SRGAP3: variants seen among roughly 807,000 people sequenced by gnomAD.
SRGAP3 encodes SLIT-ROBO Rho GTPase-activating protein 3.
In SRGAP3, 39 loss-of-function variants were observed where a neutral mutation model predicts 121.1. The observed-to-expected ratio is 0.32, with a 90% confidence interval of 0.25 to 0.42. The LOEUF (loss-of-function observed/expected upper bound fraction) is 0.42, where lower values mean the gene tolerates loss of function less well. SRGAP3 is among the 10% of genes least tolerant of loss of function. The pLI is 1.00. For synonymous variants in SRGAP3, 601 were observed against 570.0 expected (o/e 1.05, Z -0.77); for missense variants, 1,213 against 1,470.6 (o/e 0.82, Z 2.86).
chr3:9,120,572 A>G (rs189320054), intron 2 of SRGAP3, among the ~76,000 whole-genome samples: 161 of 152,352 alleles, frequency 1.1e-3, no homozygotes, highest in Admixed American at 3.4e-3. Context: ...GTTGGAAGTC[A>G]AGAACCCTGG....
At chr3:9,325,208 C>T (rs1955497963) in intron 3 of SRGAP3, among the ~76,000 whole-genome samples, 1 of 151,768 alleles carries the variant, frequency 6.6e-6, no homozygotes, top group Non-Finnish European at 1.5e-5. Context: ...GAACAGAGAG[C>T]ACTAAGGAGG....
Position 9,150,593 on chromosome 3 carries a change from A to G in SRGAP3, c.68-25676T>C, listed in dbSNP as rs368882331. Among the ~76,000 whole-genome samples, 60 of 152,300 alleles carry G rather than the reference A, an allele frequency of 3.9e-4. 1 individual carries two copies. In the East Asian group the frequency reaches 8.5e-3, roughly 22 times the overall value. ...GCCCTAGACAGTGGGCCCCACTGTA[A>G]GGAACATCTGCCACCCACCTAAAGC... On this transcript the variant is annotated intron_variant, in intron 1 of 21. Transcript: ENST00000383836.
chr3:9,348,306 A>G, intron 1 of SRGAP3: 1 of 374,920 alleles, frequency 2.7e-6, no homozygotes, highest in Non-Finnish European at 5.1e-6. Context: ...AAGAGAGAAA[A>G]CAAGAAAGAG....
At chr3:9,128,853 C>T (rs1282874034) in intron 1 of SRGAP3, among the ~76,000 whole-genome samples, 1 of 152,116 alleles carries the variant, frequency 6.6e-6, no homozygotes, top group Non-Finnish European at 1.5e-5. Context: ...TGAGGTTGTG[C>T]AAAACTAGTT....
At chr3:9,095,571 AT>A (rs1947933888) in intron 3 of SRGAP3, among the ~76,000 whole-genome samples, 1 of 152,166 alleles carries the variant, frequency 6.6e-6, no homozygotes, top group South Asian at 2.1e-4. Context: ...AATCAGCCCC[AT>A]TTACTAAGTA....
At position 9,081,369 on chromosome 3, in the gene SRGAP3, T is replaced by A. The variant is rs138631098; in HGVS notation, c.424-1282A>T. The A allele has an allele frequency of 1.8e-3, 788 of 442,418 alleles. 10 individuals are homozygous for A. The highest frequency in any genetic ancestry group is 0.014 in the African/African-American group (710 of 49,746). 27.4% of individuals were successfully genotyped at this position (442,418 alleles called of 1,614,324 possible). A position where few individuals can be genotyped will look rare whatever the true frequency, so the allele number is the denominator to read the frequency against. On this transcript the variant is annotated intron_variant, in intron 3 of 21. Coordinates refer to ENST00000383836, the MANE Select transcript of SRGAP3 (RefSeq NM_014850.4). Reference sequence around the variant, plus strand: ...GGCCTCTGGGGCACAAGGCAAAAGATCTAGCTTCTCATTTCCACTGTTGGC... The same window carrying A: ...GGCCTCTGGGGCACAAGGCAAAAGAACTAGCTTCTCATTTCCACTGTTGGC...
At chr3:9,122,664 G>A (rs1385810050) in intron 2 of SRGAP3, among the ~76,000 whole-genome samples, 3 of 145,520 alleles carry the variant, frequency 2.1e-5, no homozygotes, top group Admixed American at 1.4e-4. Context: ...AGCCGAGATC[G>A]CACCACTGCA....
intron 18 of SRGAP3, among the ~76,000 whole-genome samples, chr3:8,997,444 T>C (rs1332452287): frequency 6.6e-6 from 1 of 152,136 alleles, no homozygotes; most frequent in African/African-American, 2.4e-5. Context: ...TTTACAATCA[T>C]ACAATCACAT....
In SRGAP3 at chr3:9,013,795, C is replaced by A; in HGVS notation, c.1861G>T (p.Val621Phe). ...ACAATGACCACGCGGGGAAGGGTGA[C>A]GAGGATTTGTTGGATCTGGTGCACC... is the stretch of plus-strand genomic sequence containing the variant. Reference protein sequence around the residue: ...ERVHQIQQILVTLPRVVIVVM... With the variant: ...ERVHQIQQILFTLPRVVIVVM... Residue 621 changes from valine to phenylalanine, a missense_variant, in exon 16 of 22, where the codon GTC becomes TTC. Around this residue, in one of 2 missense-constraint regions of SRGAP3, gnomAD observed 793 missense variants for 1,032.9 expected, o/e 0.77. Transcript: ENST00000383836. The A allele has an allele frequency of 1.2e-6, 2 of 1,614,146 alleles. No homozygotes were observed. The highest frequency in any genetic ancestry group is 1.7e-6 in the Non-Finnish European group (2 of 1,180,014).
chr3:8,986,801 G>A (rs568343127), intron 21 of SRGAP3, among the ~76,000 whole-genome samples: 1 of 152,350 alleles, frequency 6.6e-6, no homozygotes, highest in Admixed American at 6.5e-5. Flanking sequence ...TCCCGAGGAT[G>A]TTATAATATC....
chr3:9,064,633 C>A, intron 4 of SRGAP3, 52 bp from the exon 5 acceptor site: 1 of 1,607,618 alleles, frequency 6.2e-7, no homozygotes. Flanking sequence ...CCCAGCACGG[C>A]CCTCCCTGTT....
chr3:9,031,200 A>G (rs528179869), intron 12 of SRGAP3, among the ~76,000 whole-genome samples: 1 of 152,306 alleles, frequency 6.6e-6, no homozygotes, highest in Admixed American at 6.5e-5. Flanking sequence ...AAATTGCCCA[A>G]GCTCCACTAC....
At chr3:9,127,043 G>A (rs1015037611) in intron 1 of SRGAP3, among the ~76,000 whole-genome samples, 2 of 152,114 alleles carry the variant, frequency 1.3e-5, no homozygotes, top group African/African-American at 2.4e-5. Flanking sequence ...TACTCAAAGT[G>A]TGGTCCATGA....
intron 1 of SRGAP3, among the ~76,000 whole-genome samples, chr3:9,332,264 T>A (rs1257295977): frequency 1.3e-5 from 2 of 152,168 alleles, no homozygotes; most frequent in South Asian, 4.1e-4. Flanking sequence ...GGATTACAGG[T>A]GTGCACCACC....
chr3:9,104,586 T>A, intron 3 of SRGAP3, 94 bp downstream of exon 3: 4 of 1,546,182 alleles, frequency 2.6e-6, no homozygotes, highest in Non-Finnish European at 8.9e-7. Flanking sequence ...TGGTCCCTTG[T>A]CTCCAAACCA....
intron 1 of SRGAP3, among the ~76,000 whole-genome samples, chr3:9,229,570 G>A (rs762148734): frequency 1.5e-4 from 23 of 152,134 alleles, no homozygotes; most frequent in Non-Finnish European, 2.4e-4. Context: ...CCTAGCCAGC[G>A]GCCTGTGTCA....
At chr3:9,166,289 T>C (rs952384793) in intron 1 of SRGAP3, among the ~76,000 whole-genome samples, 1 of 152,200 alleles carries the variant, frequency 6.6e-6, no homozygotes. Flanking sequence ...GTACCTAACA[T>C]AGAAGTGTTC....
chr3:8,980,857 C>T lies in SRGAP3; in HGVS notation c.*4662G>A, dbSNP rs1941380822. ...CAAAGGAAACAAAATAGACCAGCCACTCTGAAGCAATCAGAATCAAACCTA... is the reference window on the plus strand; with the variant it reads ...CAAAGGAAACAAAATAGACCAGCCATTCTGAAGCAATCAGAATCAAACCTA... On this transcript the variant is annotated 3_prime_UTR_variant, in exon 22 of 22. Transcript: ENST00000383836. 1 of 233,562 alleles carries T rather than the reference C, an allele frequency of 4.3e-6. No homozygotes were observed. The highest frequency in any genetic ancestry group is 6.0e-5 in the East Asian group (1 of 16,564). The allele number at this position is 233,562 out of a possible 1,614,324, so 14.5% of individuals were successfully genotyped here.
Position 9,183,970 on chromosome 3 carries a change from G to A in SRGAP3, c.68-59053C>T, listed in dbSNP as rs535301998. ...GCCCTTCCCGGTTCTCAGCTTGCAA[G>A]CTCCTCGCCTCCTCTTGGAGCTGCA... On this transcript the variant is annotated intron_variant, in intron 1 of 21. Transcript: ENST00000383836. Among the ~76,000 whole-genome samples the A allele has an allele frequency of 1.1e-3, 173 of 152,178 alleles. 1 individual carries two copies. The highest frequency in any genetic ancestry group is 3.5e-3 in the Admixed American group (54 of 15,274).
Sources: gnomAD v4.1 joint callset for allele counts (sites outside exome capture counted in the v4.1 genomes callset) on GRCh38, gnomAD v4.1.1 for gene constraint, gnomAD v4.1.1 regional missense constraint, MANE v1.5 for transcripts, NCBI Gene and HGNC (gene_info 2026-07-23, HGNC 2026-07-21) for gene names.